KPNA4: variants seen among roughly 807,000 people sequenced by gnomAD.
KPNA4 encodes karyopherin subunit alpha 4.
Under a neutral mutation model 71.3 loss-of-function variants are expected in KPNA4, and 13 were observed. The ratio of observed to expected loss-of-function variants is 0.18; its 90% CI spans 0.12 to 0.29. The LOEUF is 0.29. KPNA4 is among the 10% of genes least tolerant of loss of function. The probability of loss-of-function intolerance (pLI) is 1.00; values close to 1 mark genes in which losing one functional copy is unlikely to be tolerated. For synonymous variants in KPNA4, 189 were observed against 195.2 expected (o/e 0.97, Z 0.26); for missense variants, 334 against 603.2 (o/e 0.55, Z 4.67).
chr3:160,531,708 C>G (rs915786523), intron 5 of KPNA4, 151 bp from the exon 6 acceptor site: 9 of 425,320 alleles, frequency 2.1e-5, no homozygotes, highest in Admixed American at 4.3e-5. Flanking sequence ...GCAACCTTTT[C>G]TCTAAATTTA....
At position 160,499,055 on chromosome 3, in the gene KPNA4, T is replaced by A. The variant is rs1051970947; in HGVS notation, c.*3049A>T. 3 of 152,164 alleles carry A rather than the reference T, an allele frequency of 2.0e-5. No homozygotes were observed. The highest frequency in any genetic ancestry group is 4.4e-5 in the Non-Finnish European group (3 of 68,030). 9.4% of individuals were successfully genotyped at this position (152,164 alleles called of 1,614,324 possible). Reference sequence around the variant, plus strand: ...TACCTTTAAAGAAACAAACAACTCCTCACCCTATGAAGTGCTGCTGAGGTA... The same window carrying A: ...TACCTTTAAAGAAACAAACAACTCCACACCCTATGAAGTGCTGCTGAGGTA... On this transcript the variant is annotated 3_prime_UTR_variant, in exon 17 of 17. Coordinates refer to ENST00000334256, the MANE Select transcript of KPNA4 (RefSeq NM_002268.5).
At chr3:160,504,718 T>G (rs1720949327) in intron 16 of KPNA4, among the ~76,000 whole-genome samples, 1 of 152,178 alleles carries the variant, frequency 6.6e-6, no homozygotes, top group South Asian at 2.1e-4. Context: ...AAATAAAGTC[T>G]GACTCATCTC....
At position 160,515,168 on chromosome 3, in the gene KPNA4, AATATAC is replaced by A. The variant is rs3836374; in HGVS notation, c.1032+278_1032+283del. 1.1e-5 allele frequency: 6 copies of A among 531,584 alleles called. No individual in the cohort carries two copies. The East Asian group carries it at 2.0e-4, about 18-fold the overall frequency. 32.9% of individuals were successfully genotyped at this position (531,584 alleles called of 1,614,324 possible). A position where few individuals can be genotyped will look rare whatever the true frequency, so the allele number is the denominator to read the frequency against. On this transcript the variant is annotated intron_variant, in intron 12 of 16. Coordinates refer to ENST00000334256, the MANE Select transcript of KPNA4 (RefSeq NM_002268.5). The stretch of plus-strand genomic sequence containing the variant: ...AACACTAAACTTATAAGAATTACAT[AATATAC>A]ATATTAAAAATTTCCAGTCATACAA...
chr3:160,544,260 A>G (rs1168575755), intron 1 of KPNA4, among the ~76,000 whole-genome samples: 1 of 152,240 alleles, frequency 6.6e-6, no homozygotes, highest in Non-Finnish European at 1.5e-5. Flanking sequence ...GGTGTTCAAC[A>G]GGGAAAGAAA....
In KPNA4 at chr3:160,525,970, C is replaced by A; in HGVS notation, c.694G>T (p.Asp232Tyr). 1 of 1,588,588 alleles carries A rather than the reference C, an allele frequency of 6.3e-7. No homozygotes were observed. Among genetic ancestry groups the A allele is most frequent in the Non-Finnish European group, 8.6e-7 (1 of 1,169,036 alleles). The change falls in exon 9 of 17, where the codon GAC (aspartate) becomes TAC (tyrosine). Residue 232 changes from aspartate to tyrosine, a missense_variant. By Grantham distance (160) the Asp-to-Tyr change is radical (BLOSUM62 -3). Coordinates refer to ENST00000334256, the MANE Select transcript of KPNA4 (RefSeq NM_002268.5). ...ATGGTTTCCATTGGTGGTGGTGGGT[C>A]TTTGTGGCGACATAAGTTGACCATA... The part of the protein sequence containing the change: ...WVMVNLCRHK[D>Y]PPPPMETIQE...
chr3:160,504,620 C>A (rs772982231), intron 16 of KPNA4, among the ~76,000 whole-genome samples: 1 of 152,102 alleles, frequency 6.6e-6, no homozygotes, highest in African/African-American at 2.4e-5. Context: ...GAACTTATTA[C>A]AGGATATACT....
chr3:160,525,863 A>T lies in KPNA4; in HGVS notation c.727-19T>A. 6.5e-7 allele frequency: 1 copy of T among 1,546,434 alleles called. No individual in the cohort carries two copies. The highest frequency in any genetic ancestry group is 8.7e-7 in the Non-Finnish European group (1 of 1,148,484). Reference sequence around the variant, plus strand: ...GAAGAATCTGAGGAGAGAAATATGTAGATTTAAAAACATACACAAATAAAA... The same window carrying T: ...GAAGAATCTGAGGAGAGAAATATGTTGATTTAAAAACATACACAAATAAAA... On this transcript the variant is annotated intron_variant, in intron 9 of 16. Coordinates refer to ENST00000334256, the MANE Select transcript of KPNA4 (RefSeq NM_002268.5).
intron 1 of KPNA4, among the ~76,000 whole-genome samples, chr3:160,561,165 T>C (rs1722236975): frequency 6.6e-6 from 1 of 152,088 alleles, no homozygotes; most frequent in African/African-American, 2.4e-5. Context: ...TAAGTTGTTT[T>C]CTTAAAGTTG....
chr3:160,508,056 A>G (rs1560043939), intron 15 of KPNA4, 51 bp downstream of exon 15: 1 of 1,373,660 alleles, frequency 7.3e-7, no homozygotes, highest in Admixed American at 2.3e-5. Context: ...AAATAAAGGT[A>G]GTTACAAAGA....
intron 8 of KPNA4, 104 bp downstream of exon 8, chr3:160,527,848 AG>A: frequency 2.8e-6 from 2 of 707,452 alleles, no homozygotes; most frequent in South Asian, 4.2e-5. Context: ...CACAAAAACT[AG>A]TACTGAAGGC....
chr3:160,548,213 TTTG>T lies in KPNA4; in HGVS notation c.70-11376_70-11374del, dbSNP rs1260447716. Among the ~76,000 whole-genome samples the T allele has an allele frequency of 2.0e-5, 3 of 152,212 alleles. No individual in the cohort carries two copies. The South Asian group carries it at 6.2e-4, about 31-fold the overall frequency. On this transcript the variant is annotated intron_variant, in intron 1 of 16. Transcript: ENST00000334256. Reference sequence around the variant, plus strand: ...GTGTTGTTAGTGCTCTGGGTTTTTTTTTGTTGTTGTTGGTGGTGGTGGTAATAT... The same window carrying T: ...GTGTTGTTAGTGCTCTGGGTTTTTTTTTGTTGTTGGTGGTGGTGGTAATAT...
Position 160,497,588 on chromosome 3 carries a change from G to C in KPNA4, c.*4516C>G, listed in dbSNP as rs1235451419. 2 of 152,102 alleles carry C rather than the reference G, an allele frequency of 1.3e-5. No homozygotes were observed. Among genetic ancestry groups the C allele is most frequent in the African/African-American group, 4.8e-5 (2 of 41,420 alleles). 9.4% of individuals were successfully genotyped at this position (152,102 alleles called of 1,614,324 possible). The stretch of plus-strand genomic sequence containing the variant: ...GTGTTCAAAATGTCAAGTTTGTTAG[G>C]CATCAGTTTGTTAGTGTTTGGGAGT... On this transcript the variant is annotated 3_prime_UTR_variant, in exon 17 of 17. Transcript: ENST00000334256.
intron 1 of KPNA4, among the ~76,000 whole-genome samples, chr3:160,552,552 A>C (rs1026003945): frequency 6.6e-6 from 1 of 152,204 alleles, no homozygotes; most frequent in Non-Finnish European, 1.5e-5. Flanking sequence ...TTATAGTCTG[A>C]CGGGAGAAAC....
At chr3:160,533,138 C>T (rs2108552804) in intron 5 of KPNA4, among the ~76,000 whole-genome samples, 1 of 152,244 alleles carries the variant, frequency 6.6e-6, no homozygotes, top group South Asian at 2.1e-4. Context: ...ATTCTCCCAC[C>T]TCAGCCTCCC....
intron 7 of KPNA4, among the ~76,000 whole-genome samples, chr3:160,529,778 GA>G (rs113457377): frequency 4.7e-5 from 7 of 150,368 alleles, no homozygotes; most frequent in African/African-American, 1.2e-4. Context: ...TAATAACAAT[GA>G]AAAAAAAATT....
At chr3:160,517,841 A>G (rs1297589843) in intron 11 of KPNA4, among the ~76,000 whole-genome samples, 1 of 151,000 alleles carries the variant, frequency 6.6e-6, no homozygotes, top group East Asian at 1.9e-4. Context: ...TTCTTTATAC[A>G]TTAAATATTT....
intron 10 of KPNA4, 65 bp from the exon 11 acceptor site, chr3:160,521,975 A>T: frequency 5.0e-6 from 7 of 1,402,942 alleles, no homozygotes; most frequent in Non-Finnish European, 5.9e-6. Flanking sequence ...ATTCTTGACC[A>T]AACAACCATT....
At chr3:160,541,350 A>G (rs1393137194) in intron 1 of KPNA4, among the ~76,000 whole-genome samples, 1 of 152,184 alleles carries the variant, frequency 6.6e-6, no homozygotes, top group Non-Finnish European at 1.5e-5. Context: ...TTCTTTCTAA[A>G]TAATACAAAG....
chr3:160,526,787 T>C (rs1560049296), intron 8 of KPNA4, among the ~76,000 whole-genome samples: 2 of 152,248 alleles, frequency 1.3e-5, no homozygotes, highest in African/African-American at 4.8e-5. Flanking sequence ...TGCACTATAA[T>C]ATCTGGAGAT....
Sources: allele counts gnomAD v4.1 joint callset (sites outside exome capture counted in the v4.1 genomes callset), GRCh38; gene constraint gnomAD v4.1.1; transcripts MANE v1.5; gene names NCBI Gene and HGNC (gene_info 2026-07-23, HGNC 2026-07-21).